The following INSYN2B variants were observed in gnomAD, a reference collection of about 807,000 sequenced individuals.
The protein encoded by INSYN2B is inhibitory synaptic factor family member 2B.
In INSYN2B, 16 loss-of-function variants were observed where a neutral mutation model predicts 41.2. That is an observed-to-expected ratio of 0.39 (90% CI 0.26 to 0.59). The LOEUF is 0.59. Among genes scored for constraint, INSYN2B ranks in the 20% least tolerant of loss-of-function variants. The pLI, the probability that INSYN2B is intolerant of heterozygous loss-of-function variation, is 0.57. For missense variants in INSYN2B, 608 were observed against 646.4 expected (o/e 0.94, Z 0.64); for synonymous variants, 245 against 244.4 (o/e 1.00, Z -0.02).
chr5:169,960,532 A>T lies in INSYN2B; in HGVS notation c.-919+19745T>A, dbSNP rs61071716. Among the ~76,000 whole-genome samples, 3 of 152,338 alleles carry T rather than the reference A, an allele frequency of 2.0e-5. No individual in the cohort carries two copies. In the South Asian group the frequency reaches 6.2e-4, roughly 32 times the overall value. On this transcript the variant is annotated intron_variant, in intron 1 of 3. Transcript: ENST00000377365. ...GGAAAATTATTGATTAGAAAGAAAC[A>T]TGAGGTTCTAAGATAGGTTTTCAAG...
intron 1 of INSYN2B, among the ~76,000 whole-genome samples, chr5:169,907,896 A>G (rs569194908): frequency 2.6e-5 from 4 of 152,332 alleles, no homozygotes; most frequent in Non-Finnish European, 2.9e-5. Context: ...ACACACAGGA[A>G]CCGTTGGCCA....
At chr5:169,900,884 A>G (rs1773884330) in intron 1 of INSYN2B, among the ~76,000 whole-genome samples, 1 of 152,152 alleles carries the variant, frequency 6.6e-6, no homozygotes, top group African/African-American at 2.4e-5. Flanking sequence ...CCAGCAAATC[A>G]TCGATTAGGA....
intron 1 of INSYN2B, among the ~76,000 whole-genome samples, chr5:169,889,604 C>G (rs561744376): frequency 6.6e-6 from 1 of 152,204 alleles, no homozygotes; most frequent in South Asian, 2.1e-4. Context: ...GGGGTTCAGA[C>G]TATCCTTTAC....
At chr5:169,929,243 C>A (rs892317311) in intron 1 of INSYN2B, among the ~76,000 whole-genome samples, 4 of 152,252 alleles carry the variant, frequency 2.6e-5, no homozygotes, top group African/African-American at 9.6e-5. Flanking sequence ...ATTTTCCAAT[C>A]TCTTCCTCCA....
intron 1 of INSYN2B, among the ~76,000 whole-genome samples, chr5:169,953,769 C>A (rs1454506534): frequency 1.3e-5 from 2 of 152,120 alleles, no homozygotes; most frequent in Admixed American, 6.5e-5. Flanking sequence ...GTTTTCTCCT[C>A]GGGAGACACC....
chr5:169,874,410 C>CAAAA (rs34525811), intron 3 of INSYN2B, among the ~76,000 whole-genome samples: 25 of 72,006 alleles, frequency 3.5e-4, no homozygotes, highest in South Asian at 6.6e-4. Flanking sequence ...GACTCTGTCT[C>CAAAA]AAAAAAAAAA....
intron 1 of INSYN2B, among the ~76,000 whole-genome samples, chr5:169,943,043 T>TTGGGC (rs2113709083): frequency 6.6e-6 from 1 of 152,326 alleles, no homozygotes; most frequent in East Asian, 1.9e-4. Flanking sequence ...TAGGAATGTG[T>TTGGGC]TGGGCTGGGC....
rs1407454755 is a variant in INSYN2B, at chr5:169,884,040, G to A, written c.-142C>T. 2.8e-6 allele frequency: 2 copies of A among 710,656 alleles called. No homozygotes were observed. The highest frequency in any genetic ancestry group is 4.2e-6 in the Non-Finnish European group (2 of 479,464). The allele number at this position is 710,656 out of a possible 1,614,324, so 44.0% of individuals were successfully genotyped here. A position where few individuals can be genotyped will look rare whatever the true frequency, so the allele number is the denominator to read the frequency against. On this transcript the variant is annotated 5_prime_UTR_variant, in exon 2 of 4. Transcript: ENST00000377365. ...GGAGTGGTCCTCTCCTCTTAGTATGGGAAATCCTGTTGGCCATTCCCAGCC... is the reference window on the plus strand; with the variant it reads ...GGAGTGGTCCTCTCCTCTTAGTATGAGAAATCCTGTTGGCCATTCCCAGCC...
At chr5:169,933,280 G>A (rs3890031) in intron 1 of INSYN2B, among the ~76,000 whole-genome samples, 7,763 of 152,256 alleles carry the variant, frequency 0.051, 517 homozygotes, top group African/African-American at 0.15. Flanking sequence ...GTAGGACAGT[G>A]GCTGTCAGCC....
intron 1 of INSYN2B, among the ~76,000 whole-genome samples, chr5:169,962,566 T>C (rs1005208733): frequency 6.6e-6 from 1 of 152,196 alleles, no homozygotes; most frequent in Non-Finnish European, 1.5e-5. Context: ...TCACTAGATC[T>C]GCAAATATGT....
In INSYN2B at chr5:169,966,855, C is replaced by T. The variant is rs377640983; in HGVS notation, c.-919+13422G>A. Reference sequence around the variant, plus strand: ...GAGGTTACTTTCCACACAGATCAGACTTTGGTCTAATGTTTTTGAGGAACC... The same window carrying T: ...GAGGTTACTTTCCACACAGATCAGATTTTGGTCTAATGTTTTTGAGGAACC... On this transcript the variant is annotated intron_variant, in intron 1 of 3. Transcript: ENST00000377365. 2.8e-4 allele frequency among the ~76,000 whole-genome samples: 43 copies of T among 152,314 alleles called. 1 individual carries two copies. The South Asian group carries it at 8.3e-3, about 29-fold the overall frequency.
intron 1 of INSYN2B, among the ~76,000 whole-genome samples, chr5:169,952,364 C>T (rs1776697151): frequency 6.6e-6 from 1 of 152,040 alleles, no homozygotes; most frequent in Non-Finnish European, 1.5e-5. Context: ...CTCCAAGTAA[C>T]TCAATCTCCT....
chr5:169,864,388 G>T lies in INSYN2B; in HGVS notation c.1493C>A (p.Pro498Gln). The T allele has an allele frequency of 6.4e-7, 1 of 1,551,454 alleles. No individual in the cohort carries two copies. The highest frequency in any genetic ancestry group is 8.7e-7 in the Non-Finnish European group (1 of 1,146,856). Residue 498 changes from proline (P) to glutamine (Q), a missense_variant, in exon 4 of 4, where the codon CCA becomes CAA. Physicochemically the swap from Pro to Gln is moderately conservative, Grantham distance 76. Coordinates refer to ENST00000377365, the MANE Select transcript of INSYN2B (RefSeq NM_001129891.3). ...TGGTGGGGGCGATGCCTCCTCAACT[G>T]GCTCTGCTTCCTCCAGACTCTGCAA... ...EVLQSLEEAEPVEEASPPPKS... is the reference protein window; with the variant it reads ...EVLQSLEEAEQVEEASPPPKS...
intron 1 of INSYN2B, among the ~76,000 whole-genome samples, chr5:169,930,649 A>T (rs1215864663): frequency 2.0e-5 from 3 of 152,364 alleles, no homozygotes; most frequent in South Asian, 4.1e-4. Flanking sequence ...GCTGCGGCTG[A>T]CAGGGAGCAA....
At chr5:169,945,891 T>C (rs1168455546) in intron 1 of INSYN2B, among the ~76,000 whole-genome samples, 2 of 152,212 alleles carry the variant, frequency 1.3e-5, no homozygotes, top group African/African-American at 4.8e-5. Flanking sequence ...TCCCAGAATA[T>C]TGATGTGGCT....
At chr5:169,946,833 T>C (rs1034224461) in intron 1 of INSYN2B, among the ~76,000 whole-genome samples, 10 of 152,084 alleles carry the variant, frequency 6.6e-5, no homozygotes, top group African/African-American at 2.4e-4. Flanking sequence ...GGCAGTGACA[T>C]GGAAAGGGCC....
chr5:169,925,699 G>T (rs370921816), intron 1 of INSYN2B, among the ~76,000 whole-genome samples: 9 of 145,252 alleles, frequency 6.2e-5, no homozygotes, highest in Non-Finnish European at 1.2e-4. Flanking sequence ...TCTGTAGAAC[G>T]GAGTGACAAT....
rs991274165 is a variant in INSYN2B, at chr5:169,883,476, C to T, written c.423G>A (p.Gln141=). The T allele has an allele frequency of 3.9e-6, 6 of 1,551,644 alleles. No individual in the cohort carries two copies. The African/African-American group carries it at 6.8e-5, about 18-fold the overall frequency. Residue 141 remains glutamine, a synonymous_variant, in exon 2 of 4, where the codon CAG becomes CAA. Transcript: ENST00000377365. ...AGGCAAGGTCAGAAGACACAATGTC[C>T]TGTTCAGAGAGGTTACCGTTGACCT... ...AIQVNGNLSE[Q]DIVSSDLAYL... is the part of the protein sequence containing the mutation.
chr5:169,943,042 G>A (rs914984174), intron 1 of INSYN2B, among the ~76,000 whole-genome samples: 6 of 152,210 alleles, frequency 3.9e-5, no homozygotes, highest in Non-Finnish European at 1.5e-5. Flanking sequence ...ATAGGAATGT[G>A]TTGGGCTGGG....
Sources: gnomAD v4.1 joint callset for allele counts (sites outside exome capture counted in the v4.1 genomes callset) on GRCh38, gnomAD v4.1.1 for gene constraint, MANE v1.5 for transcripts, NCBI Gene and HGNC (gene_info 2026-07-23, HGNC 2026-07-21) for gene names.